Variants in TMTC2 observed in about 807,000 individuals in gnomAD.
The protein encoded by TMTC2 is transmembrane O-mannosyltransferase targeting cadherins 2.
TMTC2 carries 43 observed loss-of-function variants against 82.4 expected under a neutral mutation model. That is an observed-to-expected ratio of 0.52 (90% confidence interval 0.41 to 0.67). The LOEUF (loss-of-function observed/expected upper bound fraction) is 0.67, where lower values mean the gene tolerates loss of function less well. TMTC2 is among the 30% of genes least tolerant of loss of function. TMTC2 has a pLI of 0.00. For synonymous variants in TMTC2, 408 were observed against 381.9 expected, an observed-to-expected ratio of 1.07 and a Z score of -0.80; for missense variants, 919 against 1,012.4, an observed-to-expected ratio of 0.91 and a Z score of 1.25.
At chr12:82,693,692 G>A (rs541621721) in intron 1 of TMTC2, among the ~76,000 whole-genome samples, 29 of 149,786 alleles carry the variant, frequency 1.9e-4, no homozygotes, top group African/African-American at 4.6e-4. Flanking sequence ...AGGTGTGGCC[G>A]GGCGCGGTGG....
intron 1 of TMTC2, among the ~76,000 whole-genome samples, chr12:82,754,025 A>G (rs1160743116): frequency 1.3e-5 from 2 of 152,232 alleles, no homozygotes; most frequent in African/African-American, 4.8e-5. Context: ...AGATGTCACC[A>G]GAATCAGGAG....
At chr12:82,953,088 T>C (rs1237993707) in intron 4 of TMTC2, among the ~76,000 whole-genome samples, 1 of 152,042 alleles carries the variant, frequency 6.6e-6, no homozygotes, top group Non-Finnish European at 1.5e-5. Flanking sequence ...TGTGTGTTAG[T>C]TTTGGTTTGA....
At chr12:82,987,118 T>C (rs1040599685) in intron 8 of TMTC2, among the ~76,000 whole-genome samples, 2 of 152,178 alleles carry the variant, frequency 1.3e-5, no homozygotes, top group Admixed American at 1.3e-4. Flanking sequence ...ATAACACTTA[T>C]AATTGTCAAA....
In TMTC2 at chr12:82,951,101, G is replaced by A. The variant is rs1877321427; in HGVS notation, c.1599-13923G>A. The stretch of plus-strand genomic sequence containing the variant: ...TTTCTGACACCTACTTTGCAGTTTT[G>A]TGACACAAGTGACACACTCTGAAAC... On this transcript the variant is annotated intron_variant, in intron 4 of 11. Transcript: ENST00000321196. Among the ~76,000 whole-genome samples, 4 of 152,274 alleles carry A rather than the reference G, an allele frequency of 2.6e-5. No individual in the cohort carries two copies. The South Asian group carries it at 8.3e-4, about 32-fold the overall frequency.
intron 1 of TMTC2, among the ~76,000 whole-genome samples, chr12:82,727,734 T>A (rs1008386558): frequency 6.1e-5 from 9 of 147,908 alleles, no homozygotes; most frequent in Admixed American, 1.4e-4. Context: ...AAAAAAAAAT[T>A]CTTTTGAAAT....
rs577354161 is a variant in TMTC2 at position 83,134,419 on chromosome 12, GT to G, written c.*2032del. On this transcript the variant is annotated 3_prime_UTR_variant, in exon 12 of 12. Coordinates refer to ENST00000321196, the MANE Select transcript of TMTC2 (RefSeq NM_152588.3). ...AACATTTTATCTTTTTATTGTTGTT[GT>G]TCTTCCTTTCAAAGATGTGGTTCTT... 1.5e-3 allele frequency: 222 copies of G among 151,876 alleles called. No homozygotes were observed. Among genetic ancestry groups the G allele is most frequent in the African/African-American group, 5.0e-3 (205 of 41,314 alleles). The allele number at this position is 151,876 out of a possible 1,614,324, so 9.4% of individuals were successfully genotyped here. A position where few individuals can be genotyped will look rare whatever the true frequency, so the allele number is the denominator to read the frequency against.
At chr12:83,005,310 C>A (rs1412780805) in intron 8 of TMTC2, among the ~76,000 whole-genome samples, 1 of 139,242 alleles carries the variant, frequency 7.2e-6, no homozygotes, top group Non-Finnish European at 1.5e-5. Context: ...GCCTGGGAAA[C>A]GCAAGGAGAC....
At chr12:83,122,516 T>C (rs1884984864) in intron 11 of TMTC2, among the ~76,000 whole-genome samples, 1 of 152,132 alleles carries the variant, frequency 6.6e-6, no homozygotes, top group Non-Finnish European at 1.5e-5. Flanking sequence ...CCTCTAGCCC[T>C]GTATTTCACT....
rs1361577657 is a variant in TMTC2 at position 82,965,102 on chromosome 12, C to T, written c.1677C>T (p.Thr559=). 4 of 1,608,844 alleles carry T rather than the reference C, an allele frequency of 2.5e-6. No individual in the cohort carries two copies. Among genetic ancestry groups the T allele is most frequent in the Admixed American group, 1.7e-5 (1 of 59,558 alleles). The change falls in exon 5 of 12, where the codon ACC becomes ACT. Residue 559 remains threonine, a synonymous_variant. Coordinates refer to ENST00000321196, the MANE Select transcript of TMTC2 (RefSeq NM_152588.3). ...YYKLAIGSRP[T]LASAYLNTGI... is the part of the protein sequence containing the mutation. The stretch of plus-strand genomic sequence containing the variant: ...AATTGGCCATTGGGAGCAGGCCTAC[C>T]CTGGCTTGTAAGTAATACTCAAGTG...
intron 1 of TMTC2, among the ~76,000 whole-genome samples, chr12:82,784,647 G>A (rs1352902782): frequency 1.3e-5 from 2 of 152,030 alleles, no homozygotes; most frequent in African/African-American, 4.8e-5. Context: ...GTAGGCGAAG[G>A]GTAACTTCCT....
chr12:82,691,186 A>G (rs995130301), intron 1 of TMTC2, among the ~76,000 whole-genome samples: 1 of 152,218 alleles, frequency 6.6e-6, no homozygotes, highest in African/African-American at 2.4e-5. Flanking sequence ...GTTTGCAAAG[A>G]CAATTTGCAG....
At chr12:82,825,548 G>C (rs182759164) in intron 1 of TMTC2, among the ~76,000 whole-genome samples, 22 of 152,118 alleles carry the variant, frequency 1.4e-4, no homozygotes, top group Non-Finnish European at 2.6e-4. Flanking sequence ...ATAGGTAATT[G>C]CTTCCTTTTC....
intron 1 of TMTC2, among the ~76,000 whole-genome samples, chr12:82,771,973 T>A (rs1245216126): frequency 6.6e-6 from 1 of 152,210 alleles, no homozygotes; most frequent in Non-Finnish European, 1.5e-5. Flanking sequence ...TCTCGCAGAT[T>A]GTCTCATTAA....
intron 8 of TMTC2, among the ~76,000 whole-genome samples, chr12:83,010,416 T>G (rs554729267): frequency 6.6e-6 from 1 of 152,292 alleles, no homozygotes; most frequent in South Asian, 2.1e-4. Flanking sequence ...CCATCATGAT[T>G]GCCTGAGCAG....
chr12:83,099,184 C>T (rs1337141172), intron 11 of TMTC2, among the ~76,000 whole-genome samples: 2 of 152,036 alleles, frequency 1.3e-5, no homozygotes, highest in East Asian at 1.9e-4. Context: ...AGGTAATCTC[C>T]TTTTTCAGCT....
intron 1 of TMTC2, among the ~76,000 whole-genome samples, chr12:82,850,235 T>C (rs1870898988): frequency 6.6e-6 from 1 of 152,162 alleles, no homozygotes. Flanking sequence ...CCTTGTTTGA[T>C]TTTTAACATG....
In TMTC2 at chr12:83,133,845, G is replaced by C. The variant is rs1885346384; in HGVS notation, c.*1456G>C. 1 of 152,068 alleles carries C rather than the reference G, an allele frequency of 6.6e-6. No homozygotes were observed. The highest frequency in any genetic ancestry group is 2.4e-5 in the African/African-American group (1 of 41,416). The allele number at this position is 152,068 out of a possible 1,614,324, so 9.4% of individuals were successfully genotyped here. ...ATTTATTTATTATTCTACTATAGCAGAATAACAAAACTTGATGCATTAAGC... is the reference window on the plus strand; with the variant it reads ...ATTTATTTATTATTCTACTATAGCACAATAACAAAACTTGATGCATTAAGC... On this transcript the variant is annotated 3_prime_UTR_variant, in exon 12 of 12. Coordinates refer to ENST00000321196, the MANE Select transcript of TMTC2 (RefSeq NM_152588.3).
At chr12:82,782,108 T>C (rs1466446164) in intron 1 of TMTC2, among the ~76,000 whole-genome samples, 5 of 152,048 alleles carry the variant, frequency 3.3e-5, no homozygotes, top group Admixed American at 2.0e-4. Flanking sequence ...CAATGAAGGA[T>C]TGAATATTTG....
chr12:82,687,351 A>G lies in TMTC2; in HGVS notation c.-236A>G. On this transcript the variant is annotated 5_prime_UTR_variant, in exon 1 of 12. It removes an upstream start codon present in the reference 5' UTR. Coordinates refer to ENST00000321196, the MANE Select transcript of TMTC2 (RefSeq NM_152588.3). ...CGCTCACCGCTTGCGGGCGCCGGGC[A>G]TGGGGAGTGTGGTGTGAGCCCGCAC... 1.8e-6 allele frequency: 1 copy of G among 551,254 alleles called. No individual in the cohort carries two copies. The highest frequency in any genetic ancestry group is 3.2e-5 in the East Asian group (1 of 31,726). The allele number at this position is 551,254 out of a possible 1,614,324, so 34.1% of individuals were successfully genotyped here.
Sources: allele counts gnomAD v4.1 joint callset (sites outside exome capture counted in the v4.1 genomes callset), GRCh38; gene constraint gnomAD v4.1.1; transcripts MANE v1.5; gene names NCBI Gene and HGNC (gene_info 2026-07-23, HGNC 2026-07-21).